Variants in OPCML observed in about 807,000 individuals in gnomAD.
OPCML encodes the protein opioid-binding protein/cell adhesion molecule.
In OPCML, 13 loss-of-function variants were observed where a neutral mutation model predicts 37.8. The ratio of observed to expected loss-of-function variants is 0.34; its 90% CI spans 0.22 to 0.55. The LOEUF (loss-of-function observed/expected upper bound fraction) is 0.55, where lower values mean the gene tolerates loss of function less well. Among genes scored for constraint, OPCML ranks in the 20% least tolerant of loss-of-function variants. The pLI, the probability that OPCML is intolerant of heterozygous loss-of-function variation, is 0.91. For synonymous variants in OPCML, 176 were observed against 168.8 expected (o/e 1.04, Z -0.33); for missense variants, 341 against 435.6 (o/e 0.78, Z 1.93).
chr11:132,922,902 C>T (rs1944855106), intron 2 of OPCML, among the ~76,000 whole-genome samples: 1 of 151,784 alleles, frequency 6.6e-6, no homozygotes, highest in Admixed American at 6.6e-5. Flanking sequence ...GACCACATCT[C>T]TACACGTTTT....
intron 1 of OPCML, among the ~76,000 whole-genome samples, chr11:133,283,198 A>C (rs1424894595): frequency 6.6e-6 from 1 of 152,094 alleles, no homozygotes; most frequent in African/African-American, 2.4e-5. Context: ...TCCAAATCTC[A>C]TGTTGAAATG....
intron 1 of OPCML, among the ~76,000 whole-genome samples, chr11:133,038,216 C>A (rs1947817911): frequency 6.6e-6 from 1 of 152,222 alleles, no homozygotes; most frequent in Non-Finnish European, 1.5e-5. Flanking sequence ...CCTTCCCACA[C>A]CCAGCCATGC....
intron 1 of OPCML, among the ~76,000 whole-genome samples, chr11:133,504,791 G>A (rs1306016294): frequency 6.6e-6 from 1 of 152,198 alleles, no homozygotes; most frequent in East Asian, 1.9e-4. Flanking sequence ...TTGCCTGATC[G>A]CTTTGACATT....
chr11:132,857,655 T>C (rs1472042798), intron 2 of OPCML, among the ~76,000 whole-genome samples: 1 of 152,190 alleles, frequency 6.6e-6, no homozygotes. Flanking sequence ...CTAAGAAACA[T>C]GCAAAGCTAT....
At chr11:132,991,298 T>C (rs1447589702) in intron 1 of OPCML, among the ~76,000 whole-genome samples, 1 of 152,320 alleles carries the variant, frequency 6.6e-6, no homozygotes, top group Admixed American at 6.5e-5. Flanking sequence ...TGACATTTTC[T>C]CACTGGAAAG....
chr11:133,398,633 G>A lies in OPCML; in HGVS notation c.61+133631C>T, dbSNP rs994790435. Among the ~76,000 whole-genome samples the A allele has an allele frequency of 2.0e-5, 3 of 152,012 alleles. No homozygotes were observed. The South Asian group carries it at 6.2e-4, about 32-fold the overall frequency. On this transcript the variant is annotated intron_variant, in intron 1 of 7. Coordinates refer to ENST00000524381, the MANE Select transcript of OPCML (RefSeq NM_001012393.5). ...TTTAAAAAAAAAAATCTAAAGAGAT[G>A]CAAACAAGAAATATGCAATTTTCAA...
chr11:132,484,475 G>T (rs1470127315), intron 4 of OPCML, among the ~76,000 whole-genome samples: 1 of 152,198 alleles, frequency 6.6e-6, no homozygotes, highest in African/African-American at 2.4e-5. Flanking sequence ...TGGTGGGACT[G>T]TAAACTAGTT....
intron 2 of OPCML, among the ~76,000 whole-genome samples, chr11:132,666,447 C>A (rs1427448962): frequency 6.6e-6 from 1 of 152,116 alleles, no homozygotes; most frequent in Admixed American, 6.5e-5. Context: ...CCCCCATGAC[C>A]TAAACACCCC....
At chr11:132,960,314 C>T (rs111901269) in intron 1 of OPCML, among the ~76,000 whole-genome samples, 8,999 of 152,240 alleles carry the variant, frequency 0.059, 391 homozygotes, top group Non-Finnish European at 0.092. Context: ...CTTCTTACCA[C>T]GGTCACATGG....
At chr11:133,461,140 G>T (rs1267428049) in intron 1 of OPCML, among the ~76,000 whole-genome samples, 1 of 151,888 alleles carries the variant, frequency 6.6e-6, no homozygotes, top group Non-Finnish European at 1.5e-5. Flanking sequence ...GTGAAAAACT[G>T]AACTTCTTTT....
At chr11:133,283,659 G>T (rs1404985506) in intron 1 of OPCML, among the ~76,000 whole-genome samples, 1 of 152,184 alleles carries the variant, frequency 6.6e-6, no homozygotes, top group African/African-American at 2.4e-5. Context: ...AGATGGGTTT[G>T]CCCTTTAGCA....
At chr11:133,521,994 A>G (rs965184519) in intron 1 of OPCML, among the ~76,000 whole-genome samples, 2 of 152,168 alleles carry the variant, frequency 1.3e-5, no homozygotes, top group Admixed American at 6.5e-5. Flanking sequence ...ATTTGTCTAC[A>G]GCTCTTTTGG....
chr11:133,158,729 A>AAATAAAATAT (rs1555105927), intron 1 of OPCML, among the ~76,000 whole-genome samples: 1 of 148,886 alleles, frequency 6.7e-6, no homozygotes, highest in African/African-American at 2.4e-5. Context: ...AAATAAAATA[A>AAATAAAATAT]AATAAAATAA....
At position 133,390,325 on chromosome 11, in the gene OPCML, T is replaced by C. The variant is rs531612152; in HGVS notation, c.61+141939A>G. On this transcript the variant is annotated intron_variant, in intron 1 of 7. Coordinates refer to ENST00000524381, the MANE Select transcript of OPCML (RefSeq NM_001012393.5). ...ATACAAAAAAAAAATTAGCCGGGTG[T>C]GGTGGCGGGCGCCTGTAGTCCCAGC... Among the ~76,000 whole-genome samples, 995 of 150,178 alleles carry C rather than the reference T, an allele frequency of 6.6e-3. 3 individuals are homozygous for C. Among genetic ancestry groups the C allele is most frequent in the Non-Finnish European group, 9.6e-3 (648 of 67,670 alleles).
intron 1 of OPCML, among the ~76,000 whole-genome samples, chr11:132,968,354 G>A (rs1946260686): frequency 6.6e-6 from 1 of 152,212 alleles, no homozygotes; most frequent in Admixed American, 6.5e-5. Context: ...GCTACACTTA[G>A]TGAGAGCCTT....
At chr11:132,986,809 TA>T (rs1254989968) in intron 1 of OPCML, among the ~76,000 whole-genome samples, 1 of 152,146 alleles carries the variant, frequency 6.6e-6, no homozygotes, top group Non-Finnish European at 1.5e-5. Flanking sequence ...TAAACTAAAA[TA>T]GGAAGTTCCC....
chr11:132,531,683 C>T (rs1291423402), intron 3 of OPCML, among the ~76,000 whole-genome samples: 2 of 151,710 alleles, frequency 1.3e-5, no homozygotes, highest in African/African-American at 4.8e-5. Flanking sequence ...CATATTTTAC[C>T]CAAATACATG....
chr11:132,970,838 C>A (rs1946326034), intron 1 of OPCML, among the ~76,000 whole-genome samples: 1 of 152,152 alleles, frequency 6.6e-6, no homozygotes, highest in Admixed American at 6.5e-5. Flanking sequence ...CTGAAGTTAT[C>A]TTAAATTTCT....
At chr11:133,464,624 C>T (rs886907551) in intron 1 of OPCML, among the ~76,000 whole-genome samples, 2 of 151,970 alleles carry the variant, frequency 1.3e-5, no homozygotes, top group Non-Finnish European at 2.9e-5. Flanking sequence ...GAAGAAAGGC[C>T]CACGGCAAGA....
Sources: allele counts gnomAD v4.1 joint callset (sites outside exome capture counted in the v4.1 genomes callset), GRCh38; gene constraint gnomAD v4.1.1; transcripts MANE v1.5; gene names NCBI Gene and HGNC (gene_info 2026-07-23, HGNC 2026-07-21).